Variants in P3H1 observed in about 807,000 individuals in gnomAD.
The protein encoded by P3H1 is prolyl 3-hydroxylase 1.
Under a neutral mutation model 84.0 loss-of-function variants are expected in P3H1, and 69 were observed. The observed-to-expected ratio is 0.82, with a 90% CI of 0.68 to 1.00. The LOEUF (loss-of-function observed/expected upper bound fraction) is 1.00. P3H1 is among the 50% of genes least tolerant of loss of function. The pLI is 0.00. For missense variants in P3H1, 878 were observed against 962.8 expected (o/e 0.91, Z 1.17); for synonymous variants, 366 against 388.8 (o/e 0.94, Z 0.69).
intron 6 of P3H1, 63 bp downstream of exon 6, chr1:42,755,485 C>G: frequency 7.4e-7 from 1 of 1,353,336 alleles, no homozygotes; most frequent in Non-Finnish European, 1.1e-6. Flanking sequence ...TTCCCCTCCT[C>G]CCCATTCATC....
chr1:42,765,708 G>C (rs1652949823), intron 1 of P3H1, among the ~76,000 whole-genome samples: 1 of 152,114 alleles, frequency 6.6e-6, no homozygotes. Flanking sequence ...TTAAACAACA[G>C]ATATACCAGA....
At chr1:42,758,777 G>T in intron 4 of P3H1, 75 bp downstream of exon 4, 1 of 1,535,520 alleles carries the variant, frequency 6.5e-7, no homozygotes, top group Non-Finnish European at 9.0e-7. Flanking sequence ...GAAGTAAGTG[G>T]CTGTAATCCC....
At chr1:42,760,435 C>G (rs1317950375) in intron 2 of P3H1, 1 of 152,144 alleles carries the variant, frequency 6.6e-6, no homozygotes, top group African/African-American at 2.4e-5. Context: ...TAACCTCCAC[C>G]TCCTGGGTTC....
At chr1:42,759,502 G>A in intron 2 of P3H1, 112 bp from the exon 3 acceptor site, 2 of 865,840 alleles carry the variant, frequency 2.3e-6, no homozygotes, top group Non-Finnish European at 3.8e-6. Flanking sequence ...GTTATGGATG[G>A]AAAGGGGTGA....
intron 11 of P3H1, among the ~76,000 whole-genome samples, chr1:42,749,065 T>C (rs982725763): frequency 2.6e-5 from 4 of 152,256 alleles, no homozygotes; most frequent in African/African-American, 7.2e-5. Flanking sequence ...ACAGAGGTCA[T>C]TGCTGACCAG....
At chr1:42,748,124 G>A (rs1651834262) in intron 12 of P3H1, 76 bp downstream of exon 12, 4 of 1,049,600 alleles carry the variant, frequency 3.8e-6, no homozygotes, top group Admixed American at 3.5e-5. Flanking sequence ...CTAGGGTGGG[G>A]TAGTAGAGTG....
At position 42,759,193 on chromosome 1, in the gene P3H1, G is replaced by T; in HGVS notation, c.808+8C>A. On this transcript the variant is annotated splice_region_variant and intron_variant, in intron 3 of 14. Transcript: ENST00000296388. ...CTGGCTGAAGGTCTGGCTCTGAACT[G>T]CACGCACCTGTGATGGCCTGGAAGA... is the stretch of plus-strand genomic sequence containing the variant. 6.2e-7 allele frequency: 1 copy of T among 1,614,100 alleles called. No homozygotes were observed. The highest frequency in any genetic ancestry group is 8.5e-7 in the Non-Finnish European group (1 of 1,179,934).
At chr1:42,757,748 G>C in intron 5 of P3H1, 35 bp downstream of exon 5, 1 of 1,614,124 alleles carries the variant, frequency 6.2e-7, no homozygotes, top group Non-Finnish European at 8.5e-7. Flanking sequence ...TCTGAGTTCA[G>C]CTGGCAGCTG....
At position 42,750,652 on chromosome 1, in the gene P3H1, G is replaced by GA. The variant is rs1361073713; in HGVS notation, c.1570-317_1570-316insT. 1.4e-4 allele frequency among the ~76,000 whole-genome samples: 18 copies of GA among 130,306 alleles called. 5 individuals are homozygous for GA. Among genetic ancestry groups the GA allele is most frequent in the African/African-American group, 5.9e-4 (18 of 30,454 alleles). The allele number at this position is 130,306 out of a possible 152,430, so 85.5% of individuals were successfully genotyped here. On this transcript the variant is annotated intron_variant, in intron 10 of 14. Coordinates refer to ENST00000296388, the MANE Select transcript of P3H1 (RefSeq NM_022356.4). The stretch of plus-strand genomic sequence containing the variant: ...GCCACCCCGTCCGGGAGGGAGGCCG[G>GA]GGGGGGTGGTCGGCCAGCCGCCCCG...
chr1:42,755,577 C>G lies in P3H1; in HGVS notation c.1141G>C (p.Asp381His), dbSNP rs769330518. 2 of 1,614,130 alleles carry G rather than the reference C, an allele frequency of 1.2e-6. No individual in the cohort carries two copies. The highest frequency in any genetic ancestry group is 3.3e-5 in the Admixed American group (2 of 60,032). Residue 381 changes from aspartate (D) to histidine (H), a missense_variant, in exon 6 of 15, where the codon GAT becomes CAT. Asp to His is a moderately conservative substitution (Grantham distance 81). Transcript: ENST00000296388. ...TCCACAAAGGGAATTCCAAAAACAT[C>G]ATAAGCGAAGAAAAGCAGTTCTTTT... ...LEKELLFFAY[D>H]VFGIPFVDPD...
chr1:42,757,108 A>C (rs80253257), intron 5 of P3H1, among the ~76,000 whole-genome samples: 47 of 152,328 alleles, frequency 3.1e-4, no homozygotes, highest in African/African-American at 1.1e-3. Flanking sequence ...GTATTAACCA[A>C]ACAAGACAAA....
rs772817023 is a variant in P3H1, at chr1:42,766,934, A to G, written c.38T>C (p.Leu13Pro). 6.2e-7 allele frequency: 1 copy of G among 1,609,562 alleles called. No individual in the cohort carries two copies. Among genetic ancestry groups the G allele is most frequent in the Non-Finnish European group, 8.5e-7 (1 of 1,179,836 alleles). ...TTGGGAGGCAGCGGCCACGACAGCC[A>G]GCAGTGTGGTCAGCAGCTTCAACGC... The part of the protein sequence containing the change: ...VRALKLLTTL[L>P]AVVAAASQAE... Residue 13 changes from leucine to proline, a missense_variant, in exon 1 of 15, where the codon CTG (leucine) becomes CCG (proline). By Grantham distance (98) the Leu-to-Pro change is moderately conservative. Transcript: ENST00000296388.
intron 10 of P3H1, 29 bp downstream of exon 10, chr1:42,752,245 C>T: frequency 3.2e-6 from 5 of 1,574,562 alleles, no homozygotes; most frequent in Non-Finnish European, 4.4e-6. Flanking sequence ...CCTTTCTCCA[C>T]ACTCTAGAAT....
chr1:42,762,261 A>G (rs1416440215), intron 2 of P3H1, 62 bp downstream of exon 2: 1 of 1,528,440 alleles, frequency 6.5e-7, no homozygotes, highest in East Asian at 2.3e-5. Context: ...ACAGAGCAAG[A>G]CTCTGTCTCT....
At chr1:42,750,973 C>T (rs1434523450) in intron 10 of P3H1, among the ~76,000 whole-genome samples, 2 of 117,474 alleles carry the variant, frequency 1.7e-5, no homozygotes, top group East Asian at 2.9e-4. Flanking sequence ...CCCGGCCAGC[C>T]GCCCCATCCG....
At chr1:42,749,568 T>C (rs368665506) in intron 11 of P3H1, among the ~76,000 whole-genome samples, 6 of 152,352 alleles carry the variant, frequency 3.9e-5, no homozygotes, top group African/African-American at 1.4e-4. Context: ...CACATAGCTA[T>C]GGTTGAGCTA....
chr1:42,765,142 C>T (rs1432169574), intron 1 of P3H1, among the ~76,000 whole-genome samples: 3 of 152,198 alleles, frequency 2.0e-5, no homozygotes, highest in Non-Finnish European at 2.9e-5. Context: ...CTTTTCTAGC[C>T]GCCTCTCCTA....
At position 42,757,125 on chromosome 1, in the gene P3H1, C is replaced by T. The variant is rs566225558; in HGVS notation, c.1080+658G>A. On this transcript the variant is annotated intron_variant, in intron 5 of 14. Transcript: ENST00000296388. The stretch of plus-strand genomic sequence containing the variant: ...ATTAACCAAACAAGACAAAAGAGAC[C>T]GGAAGTGCCATCTTAAAGCCAGATG... 4.6e-5 allele frequency among the ~76,000 whole-genome samples: 7 copies of T among 152,198 alleles called. No individual in the cohort carries two copies. In the South Asian group the frequency reaches 8.3e-4, roughly 18 times the overall value.
At chr1:42,761,929 C>T (rs1652740408) in intron 2 of P3H1, 1 of 226,102 alleles carries the variant, frequency 4.4e-6, no homozygotes, top group African/African-American at 2.4e-5. Context: ...CATGATATAA[C>T]ACCAAATTAG....
Sources: gnomAD v4.1 joint callset for allele counts (sites outside exome capture counted in the v4.1 genomes callset) on GRCh38, gnomAD v4.1.1 for gene constraint, MANE v1.5 for transcripts, NCBI Gene and HGNC (gene_info 2026-07-23, HGNC 2026-07-21) for gene names.